CLDN10: variants seen among roughly 807,000 people sequenced by gnomAD.
CLDN10 encodes the protein claudin 10, also known as claudin-10.
CLDN10 carries 15 observed loss-of-function variants against 22.9 expected under a neutral mutation model. The observed-to-expected ratio is 0.65, with a 90% confidence interval of 0.44 to 1.01. CLDN10 has a LOEUF of 1.01. CLDN10 is among the 50% of genes least tolerant of loss of function. CLDN10 has a pLI of 0.00. For synonymous variants in CLDN10, 114 were observed against 111.4 expected, an observed-to-expected ratio of 1.02 and a Z score of -0.15; for missense variants, 247 against 287.8, an observed-to-expected ratio of 0.86 and a Z score of 1.03.
At chr13:95,510,916 C>A (rs368691055) in intron 1 of CLDN10, among the ~76,000 whole-genome samples, 2 of 152,122 alleles carry the variant, frequency 1.3e-5, no homozygotes, top group East Asian at 1.9e-4. Flanking sequence ...TTATTCAGGC[C>A]TCAGTCCTCC....
chr13:95,534,857 T>C (rs1389124642), intron 1 of CLDN10, among the ~76,000 whole-genome samples: 1 of 151,668 alleles, frequency 6.6e-6, no homozygotes, highest in African/African-American at 2.4e-5. Context: ...ACAACAACAG[T>C]GAGGATGAAT....
chr13:95,474,394 T>C (rs1354271298), intron 1 of CLDN10, among the ~76,000 whole-genome samples: 1 of 152,230 alleles, frequency 6.6e-6, no homozygotes. Flanking sequence ...TTCACTCACC[T>C]GCCTGCCACT....
chr13:95,554,619 T>C (rs1053089155), intron 1 of CLDN10, among the ~76,000 whole-genome samples: 2 of 152,178 alleles, frequency 1.3e-5, no homozygotes, highest in Admixed American at 6.5e-5. Flanking sequence ...GGCCTTCCTG[T>C]GTGCTCATGT....
intron 1 of CLDN10, among the ~76,000 whole-genome samples, chr13:95,474,857 C>G (rs555303190): frequency 5.2e-4 from 79 of 152,226 alleles, no homozygotes; most frequent in African/African-American, 1.8e-3. Context: ...AGGCGTGGAG[C>G]CAGGCTGGAG....
chr13:95,484,039 C>T (rs1471251094), intron 1 of CLDN10, among the ~76,000 whole-genome samples: 1 of 152,200 alleles, frequency 6.6e-6, no homozygotes, highest in Admixed American at 6.5e-5. Context: ...AGCCAACCCT[C>T]ACCAGGCATC....
chr13:95,444,555 G>A (rs890131529), intron 1 of CLDN10, among the ~76,000 whole-genome samples: 4 of 152,152 alleles, frequency 2.6e-5, no homozygotes, highest in African/African-American at 9.7e-5. Flanking sequence ...GTTATTGGAC[G>A]GTTAAGTTCA....
chr13:95,434,147 C>T (rs1454928917), intron 1 of CLDN10: 7 of 1,032,224 alleles, frequency 6.8e-6, no homozygotes, highest in Non-Finnish European at 1.0e-5. Flanking sequence ...TCTCTGAAGA[C>T]TGAGTGCTTA....
intron 1 of CLDN10, among the ~76,000 whole-genome samples, chr13:95,434,799 T>G (rs1468995955): frequency 1.3e-5 from 2 of 152,090 alleles, no homozygotes; most frequent in Admixed American, 1.3e-4. Context: ...TCCGTATGTC[T>G]CCTTACATCT....
chr13:95,491,993 C>T (rs946882476), intron 1 of CLDN10, among the ~76,000 whole-genome samples: 2 of 152,200 alleles, frequency 1.3e-5, no homozygotes, highest in Admixed American at 6.5e-5. Flanking sequence ...TGGAGGTTGT[C>T]TGCACAGAGT....
chr13:95,477,712 C>T (rs891733406), intron 1 of CLDN10, among the ~76,000 whole-genome samples: 1 of 152,140 alleles, frequency 6.6e-6, no homozygotes, highest in Non-Finnish European at 1.5e-5. Context: ...GGACCAGCAG[C>T]ACCTGGGACT....
intron 3 of CLDN10, 163 bp downstream of exon 3, chr13:95,560,626 A>T: frequency 3.2e-6 from 2 of 617,340 alleles, no homozygotes; most frequent in Non-Finnish European, 5.7e-6. Flanking sequence ...TATGCCACAT[A>T]CGCAAAATAT....
In CLDN10 at chr13:95,579,738, TAAAA is replaced by T. The variant is rs959250342; in HGVS notation, c.*1729_*1732del. 2.6e-5 allele frequency: 4 copies of T among 151,914 alleles called. No individual in the cohort carries two copies. The highest frequency in any genetic ancestry group is 4.8e-5 in the African/African-American group (2 of 41,368). 9.4% of individuals were successfully genotyped at this position (151,914 alleles called of 1,614,324 possible). On this transcript the variant is annotated 3_prime_UTR_variant, in exon 5 of 5. Transcript: ENST00000299339. ...AACAAGTTTGTTAAAAGATAAAAAA[TAAAA>T]AAAATTCCATACCTTGATAATCCTT...
intron 1 of CLDN10, among the ~76,000 whole-genome samples, chr13:95,494,122 C>T (rs1411535347): frequency 6.6e-6 from 1 of 151,754 alleles, no homozygotes; most frequent in African/African-American, 2.4e-5. Context: ...CATCAAATAC[C>T]CTTCCAGTGT....
chr13:95,488,006 G>C (rs2138509741), intron 1 of CLDN10, among the ~76,000 whole-genome samples: 1 of 150,144 alleles, frequency 6.7e-6, no homozygotes, highest in East Asian at 2.0e-4. Flanking sequence ...CTTTTTTTGA[G>C]ATGGAGTCTC....
chr13:95,545,452 G>A (rs552171631), intron 1 of CLDN10, among the ~76,000 whole-genome samples: 5 of 152,134 alleles, frequency 3.3e-5, no homozygotes, highest in South Asian at 2.1e-4. Context: ...CAGGAGAATC[G>A]CTTGAACCCG....
chr13:95,463,286 ATATATATATATATATAT>A lies in CLDN10; in HGVS notation c.214+29240_214+29256del, dbSNP rs1344343421. Among the ~76,000 whole-genome samples, 23 of 22,322 alleles carry A rather than the reference ATATATATATATATATAT, an allele frequency of 1.0e-3. 1 individual carries two copies. Among genetic ancestry groups the A allele is most frequent in the Non-Finnish European group, 1.3e-3 (19 of 14,212 alleles). The allele number at this position is 22,322 out of a possible 152,430, so 14.6% of individuals were successfully genotyped here. ...GTTGAGTCAAAAGTGCAAATGCTTA[ATATATATATATATATAT>A]ATATATATATATATATATATATTTG... On this transcript the variant is annotated intron_variant, in intron 1 of 4. Coordinates refer to the CLDN10 transcript ENST00000376873.
Position 95,471,453 on chromosome 13 carries a change from A to ATATATT in CLDN10, c.214+37407_214+37408insATATTT, listed in dbSNP as rs776857009. ...CACACACACACACATATATATATAT[A>ATATATT]TTTTTTTTTTTTTTTTTGAGATGGA... On this transcript the variant is annotated intron_variant, in intron 1 of 4. Transcript: ENST00000376873. Among the ~76,000 whole-genome samples, 590 of 106,354 alleles carry ATATATT rather than the reference A, an allele frequency of 5.5e-3. 13 individuals carry two copies. Among genetic ancestry groups the ATATATT allele is most frequent in the African/African-American group, 0.022 (548 of 24,946 alleles). 69.8% of individuals were successfully genotyped at this position (106,354 alleles called of 152,430 possible).
At position 95,560,107 on chromosome 13, in the gene CLDN10, C is replaced by T. The variant is rs540947662; in HGVS notation, c.221-25C>T. The T allele has an allele frequency of 3.8e-5, 60 of 1,580,464 alleles. 1 individual carries two copies. Among genetic ancestry groups the T allele is most frequent in the East Asian group, 1.1e-4 (5 of 44,194 alleles). On this transcript the variant is annotated intron_variant, in intron 1 of 4. Coordinates refer to ENST00000299339, the MANE Select transcript of CLDN10 (RefSeq NM_006984.5). Reference sequence around the variant, plus strand: ...CTGGACAGCCACATGCTTTATGTAACGTAAATGACCTACTCTAATTGCAGG... The same window carrying T: ...CTGGACAGCCACATGCTTTATGTAATGTAAATGACCTACTCTAATTGCAGG...
At chr13:95,539,543 A>T (rs2043437760) in intron 1 of CLDN10, among the ~76,000 whole-genome samples, 1 of 152,258 alleles carries the variant, frequency 6.6e-6, no homozygotes, top group Admixed American at 6.5e-5. Flanking sequence ...ATTTTAAAGG[A>T]GTCAATTAGA....
Sources: allele counts gnomAD v4.1 joint callset (sites outside exome capture counted in the v4.1 genomes callset), GRCh38; gene constraint gnomAD v4.1.1; transcripts MANE v1.5; gene names NCBI Gene and HGNC (gene_info 2026-07-23, HGNC 2026-07-21).